DNAJC2: variants seen among roughly 807,000 people sequenced by gnomAD.
DNAJC2 encodes the protein DnaJ heat shock protein family (Hsp40) member C2.
Under a neutral mutation model 94.0 loss-of-function variants are expected in DNAJC2, and 32 were observed. The observed-to-expected ratio is 0.34, with a 90% CI of 0.26 to 0.46. The LOEUF is 0.46. Ranked by LOEUF, DNAJC2 falls within the 20% of genes least tolerant of loss-of-function variation. DNAJC2 has a pLI of 1.00. For synonymous variants in DNAJC2, 210 were observed against 229.7 expected, an observed-to-expected ratio of 0.91 and a Z score of 0.77; for missense variants, 550 against 719.5, an observed-to-expected ratio of 0.76 and a Z score of 2.69.
chr7:103,318,404 T>C (rs1818193493), intron 12 of DNAJC2, among the ~76,000 whole-genome samples: 1 of 152,180 alleles, frequency 6.6e-6, no homozygotes, highest in Admixed American at 6.5e-5. Context: ...TACTTCTATT[T>C]TATAGTTTGT....
In DNAJC2 at chr7:103,312,589, C is replaced by T; in HGVS notation, c.1846G>A (p.Ala616Thr). 16 of 1,613,202 alleles carry T rather than the reference C, an allele frequency of 9.9e-6. 1 individual carries two copies. The South Asian group carries it at 1.5e-4, about 16-fold the overall frequency. ...GATTGTCATTTCTTGGCTCTACTTG[C>T]ATTCAGCACTTGTTCTTGAGCAGCT... is the stretch of plus-strand genomic sequence containing the variant. ...KKAAQEQVLNASRAKK is the reference protein window; with the variant it reads ...KKAAQEQVLNTSRAKK The change falls in exon 17 of 17, where the codon GCA (alanine) becomes ACA (threonine). Residue 616 changes from alanine to threonine, a missense_variant. Around this residue, in one of 2 missense-constraint regions of DNAJC2, gnomAD observed 271 missense variants for 302.6 expected, o/e 0.90. Transcript: ENST00000379263.
chr7:103,317,050 T>C, intron 12 of DNAJC2, 36 bp from the exon 13 acceptor site: 2 of 1,559,008 alleles, frequency 1.3e-6, no homozygotes, highest in Non-Finnish European at 8.8e-7. Context: ...CTTAGAAGTA[T>C]ACTGTATTGC....
At chr7:103,319,368 C>T (rs944772709) in intron 12 of DNAJC2, among the ~76,000 whole-genome samples, 7 of 151,678 alleles carry the variant, frequency 4.6e-5, no homozygotes, top group Admixed American at 2.0e-4. Context: ...ACCCGGGAGG[C>T]GGAGGTTGTA....
intron 15 of DNAJC2, among the ~76,000 whole-genome samples, chr7:103,315,495 A>G (rs1818000227): frequency 6.6e-6 from 1 of 152,182 alleles, no homozygotes; most frequent in South Asian, 2.1e-4. Flanking sequence ...CTTTAGTCCC[A>G]ATAATATCCT....
At chr7:103,326,479 A>G in intron 5 of DNAJC2, 64 bp downstream of exon 5, 1 of 1,518,522 alleles carries the variant, frequency 6.6e-7, no homozygotes, top group Non-Finnish European at 9.1e-7. Context: ...AAGAGCAGAA[A>G]CCTGGAAGAC....
rs886519561 is a variant in DNAJC2, at chr7:103,312,348, A to G, written c.*221T>C. On this transcript the variant is annotated 3_prime_UTR_variant, in exon 17 of 17. Coordinates refer to ENST00000379263, the MANE Select transcript of DNAJC2 (RefSeq NM_014377.3). ...GAGAAAAATAAAAATGAACATGTAT[A>G]TACATTTGGAAATTTGAATTAAATA... 6.3e-7 allele frequency: 1 copy of G among 1,576,502 alleles called. No homozygotes were observed. The highest frequency in any genetic ancestry group is 1.2e-5 in the South Asian group (1 of 86,890).
At chr7:103,313,676 TA>T in intron 15 of DNAJC2, 1 of 985,452 alleles carries the variant, frequency 1.0e-6, no homozygotes, top group Middle Eastern at 5.2e-4. Flanking sequence ...TCACATCTGC[TA>T]AAATCTTGGG....
rs764305566 is a variant in DNAJC2 at position 103,344,623 on chromosome 7, G to A, written c.-1C>T. On this transcript the variant is annotated 5_prime_UTR_variant, in exon 1 of 17. Transcript: ENST00000379263. ...CCGCGGCGCTTGGCAGAAGCAGCAT[G>A]ATGGCGCCGGGTCTAGCCCGGTGGG... 3 of 1,610,206 alleles carry A rather than the reference G, an allele frequency of 1.9e-6. No homozygotes were observed. In the South Asian group the frequency reaches 3.3e-5, roughly 18 times the overall value.
chr7:103,322,621 T>A lies in DNAJC2; in HGVS notation c.823A>T (p.Ser275Cys). Residue 275 changes from serine (S) to cysteine (C), a missense_variant, in exon 9 of 17, where the codon AGC becomes TGC. Coordinates refer to ENST00000379263, the MANE Select transcript of DNAJC2 (RefSeq NM_014377.3). ...AACTTTTTTATCCTTGGATCACAGC[T>A]GTATGCATTGTCTAGCAAAAGAAAA... ...RIRTLVDNAY[S>C]CDPRIKKFKE... is the part of the protein sequence containing the mutation. 6.2e-7 allele frequency: 1 copy of A among 1,613,184 alleles called. No individual in the cohort carries two copies. Among genetic ancestry groups the A allele is most frequent in the Non-Finnish European group, 8.5e-7 (1 of 1,179,762 alleles).
At chr7:103,314,017 A>G (rs550801880) in intron 15 of DNAJC2, 1 of 985,382 alleles carries the variant, frequency 1.0e-6, no homozygotes, top group East Asian at 1.1e-4. Flanking sequence ...TTCCCAATTA[A>G]AGAAGGAAAA....
chr7:103,327,619 A>G (rs530851449), intron 4 of DNAJC2, 37 bp downstream of exon 4: 1 of 1,295,306 alleles, frequency 7.7e-7, no homozygotes, highest in South Asian at 1.2e-5. Flanking sequence ...AATAACAATT[A>G]CTATTAGAAA....
intron 3 of DNAJC2, among the ~76,000 whole-genome samples, chr7:103,331,866 T>A (rs1818987286): frequency 6.6e-6 from 1 of 152,194 alleles, no homozygotes; most frequent in African/African-American, 2.4e-5. Context: ...TTTGGATAAA[T>A]ATCCAGTAGT....
intron 4 of DNAJC2, chr7:103,327,217 C>T: frequency 2.1e-6 from 1 of 480,660 alleles, no homozygotes; most frequent in Non-Finnish European, 3.5e-6. Flanking sequence ...ATATAATCAA[C>T]TTCTTGATTT....
chr7:103,335,980 C>A (rs539754526), intron 3 of DNAJC2: 1 of 152,242 alleles, frequency 6.6e-6, no homozygotes, highest in Non-Finnish European at 1.5e-5. Context: ...CCAGCCTGAC[C>A]AACATGGTGA....
At chr7:103,325,173 G>C (rs753573148) in intron 5 of DNAJC2, among the ~76,000 whole-genome samples, 1 of 152,216 alleles carries the variant, frequency 6.6e-6, no homozygotes, top group African/African-American at 2.4e-5. Flanking sequence ...GCCAGGCGCG[G>C]TGGCTCATGC....
chr7:103,331,249 T>A (rs1280175704), intron 3 of DNAJC2, among the ~76,000 whole-genome samples: 1 of 152,240 alleles, frequency 6.6e-6, no homozygotes, highest in Non-Finnish European at 1.5e-5. Context: ...TGAGCCACTG[T>A]GCCTGGCTCA....
chr7:103,315,648 C>T lies in DNAJC2; in HGVS notation c.1636+116G>A, dbSNP rs982229883. 6.6e-6 allele frequency: 4 copies of T among 608,176 alleles called. No homozygotes were observed. The Admixed American group carries it at 1.0e-4, about 15-fold the overall frequency. The allele number at this position is 608,176 out of a possible 1,614,324, so 37.7% of individuals were successfully genotyped here. A position where few individuals can be genotyped will look rare whatever the true frequency, so the allele number is the denominator to read the frequency against. On this transcript the variant is annotated intron_variant, in intron 15 of 16. Transcript: ENST00000379263. Reference sequence around the variant, plus strand: ...CCTGGAAATGTTTGCTTACAGCTTCCAGTCTGCTAAACATTTTATTTCCCT... The same window carrying T: ...CCTGGAAATGTTTGCTTACAGCTTCTAGTCTGCTAAACATTTTATTTCCCT...
intron 15 of DNAJC2, among the ~76,000 whole-genome samples, chr7:103,315,021 G>A (rs1817968615): frequency 6.6e-6 from 1 of 152,090 alleles, no homozygotes; most frequent in Non-Finnish European, 1.5e-5. Context: ...AGTTTCACAA[G>A]TATACCCACC....
chr7:103,329,701 A>T lies in DNAJC2; in HGVS notation c.332-1947T>A, dbSNP rs573338741. 3.1e-3 allele frequency among the ~76,000 whole-genome samples: 476 copies of T among 152,312 alleles called. 4 individuals carry two copies. Among genetic ancestry groups the T allele is most frequent in the Middle Eastern group, 6.8e-3 (2 of 294 alleles). On this transcript the variant is annotated intron_variant, in intron 3 of 16. Transcript: ENST00000379263. ...TTGTGACACTATAATAGTAAATTTT[A>T]CAAGGGCTTGTTTTGGTTACTTATT...
Sources: allele counts gnomAD v4.1 joint callset (sites outside exome capture counted in the v4.1 genomes callset), GRCh38; gene constraint gnomAD v4.1.1; regional missense constraint gnomAD v4.1.1; transcripts MANE v1.5; gene names NCBI Gene and HGNC (gene_info 2026-07-23, HGNC 2026-07-21).